Variants in TBC1D31 observed in about 807,000 individuals in gnomAD.
TBC1D31 encodes the protein TBC1 domain family member 31, also known as WD repeat domain 67.
TBC1D31 carries 99 observed loss-of-function variants against 132.9 expected under a neutral mutation model. The ratio of observed to expected loss-of-function variants is 0.74; its 90% CI spans 0.63 to 0.88. The LOEUF (loss-of-function observed/expected upper bound fraction) is 0.88, where lower values mean the gene tolerates loss of function less well. TBC1D31 is among the 40% of genes least tolerant of loss of function. The pLI, the probability that TBC1D31 is intolerant of heterozygous loss-of-function variation, is 0.00. For synonymous variants in TBC1D31, 385 were observed against 419.4 expected (o/e 0.92, Z 1.00); for missense variants, 1,134 against 1,256.6 (o/e 0.90, Z 1.48).
At chr8:123,084,382 C>T in intron 4 of TBC1D31, 42 bp downstream of exon 4, 2 of 1,579,996 alleles carry the variant, frequency 1.3e-6, no homozygotes, top group South Asian at 1.1e-5. Flanking sequence ...GCTTCTCGGG[C>T]TAATTTCTTG....
intron 2 of TBC1D31, among the ~76,000 whole-genome samples, chr8:123,077,865 G>A (rs745648026): frequency 1.3e-5 from 2 of 152,002 alleles, no homozygotes; most frequent in East Asian, 1.9e-4. Flanking sequence ...CTTGGCCAAC[G>A]TGGTGAAACA....
intron 2 of TBC1D31, 73 bp downstream of exon 2, chr8:123,077,330 T>C: frequency 1.8e-5 from 24 of 1,360,498 alleles, no homozygotes; most frequent in Non-Finnish European, 2.4e-5. Flanking sequence ...TACCTGCTAT[T>C]CATTATTCAT....
At chr8:123,120,394 G>A (rs1238802494) in intron 11 of TBC1D31, among the ~76,000 whole-genome samples, 1 of 152,224 alleles carries the variant, frequency 6.6e-6, no homozygotes, top group African/African-American at 2.4e-5. Flanking sequence ...TCTGGAGGCC[G>A]GGCACGGTGG....
chr8:123,161,972 C>A, the TBC1D31 span, among the ~76,000 whole-genome samples: 3 of 134,398 alleles, frequency 2.2e-5, no homozygotes, highest in Non-Finnish European at 4.6e-5. Flanking sequence ...GAGCCGAGAT[C>A]GTGCCACTGC....
At chr8:123,159,346 C>T in the TBC1D31 span, among the ~76,000 whole-genome samples, 1 of 151,100 alleles carries the variant, frequency 6.6e-6, no homozygotes, top group Non-Finnish European at 1.5e-5. Flanking sequence ...TGGTCACAGG[C>T]ATAATGGTCT....
At chr8:123,151,152 A>G (rs2130991635) in intron 21 of TBC1D31, among the ~76,000 whole-genome samples, 1 of 111,430 alleles carries the variant, frequency 9.0e-6, no homozygotes, top group East Asian at 2.0e-4. Flanking sequence ...ATTTGGCAGC[A>G]AAATACAAAA....
At chr8:123,093,149 A>AT (rs1418186567) in intron 4 of TBC1D31, among the ~76,000 whole-genome samples, 1 of 151,846 alleles carries the variant, frequency 6.6e-6, no homozygotes, top group Non-Finnish European at 1.5e-5. Flanking sequence ...GGGTTTCACC[A>AT]TGTTGGCCAG....
At chr8:123,158,434 G>C in the TBC1D31 span, among the ~76,000 whole-genome samples, 1 of 152,136 alleles carries the variant, frequency 6.6e-6, no homozygotes, top group Admixed American at 6.5e-5. Context: ...GGGGACCCCT[G>C]GGGAGAGTGT....
At chr8:123,156,220 C>T (rs1822982370), downstream of TBC1D31, among the ~76,000 whole-genome samples, 1 of 152,178 alleles carries the variant, frequency 6.6e-6, no homozygotes. Context: ...GTGGGCGGAT[C>T]ACCTGAGGTC....
intron 6 of TBC1D31, among the ~76,000 whole-genome samples, chr8:123,098,886 A>T (rs1397568747): frequency 6.6e-6 from 1 of 152,166 alleles, no homozygotes; most frequent in African/African-American, 2.4e-5. Flanking sequence ...TCAACTGCAG[A>T]TGAGGGGCTT....
At position 123,096,332 on chromosome 8, in the gene TBC1D31, A is replaced by G. The variant is rs1384732828; in HGVS notation, c.672-950A>G. On this transcript the variant is annotated intron_variant, in intron 5 of 21. Transcript: ENST00000287380. ...TATAGCAGTGTACTTTCATATGGCA[A>G]TGCACTTGAGTATGACCTCTTACTT... is the stretch of plus-strand genomic sequence containing the variant. 3.5e-4 allele frequency among the ~76,000 whole-genome samples: 53 copies of G among 152,130 alleles called. 1 individual carries two copies. The highest frequency in any genetic ancestry group is 3.4e-3 in the Admixed American group (52 of 15,256).
intron 15 of TBC1D31, 79 bp downstream of exon 15, chr8:123,129,297 T>C (rs1357764994): frequency 9.8e-7 from 1 of 1,024,510 alleles, no homozygotes; most frequent in Non-Finnish European, 1.4e-6. Context: ...TTTTTTCATT[T>C]TAGAAACAAC....
chr8:123,118,478 A>G (rs1819164356), intron 10 of TBC1D31, among the ~76,000 whole-genome samples: 1 of 152,226 alleles, frequency 6.6e-6, no homozygotes. Context: ...AGAGGTAATG[A>G]AGGCCTTTCT....
chr8:123,144,790 G>T lies in TBC1D31; in HGVS notation c.2909G>T (p.Arg970Ile). The T allele has an allele frequency of 1.2e-6, 2 of 1,613,918 alleles. No homozygotes were observed. The highest frequency in any genetic ancestry group is 1.7e-6 in the Non-Finnish European group (2 of 1,179,968). The change falls in exon 20 of 22, where the codon AGA becomes ATA. Residue 970 changes from arginine (R) to isoleucine (I), a missense_variant. Physicochemically the swap from Arg to Ile is moderately conservative, Grantham distance 97. Coordinates refer to ENST00000287380, the MANE Select transcript of TBC1D31 (RefSeq NM_145647.4). The stretch of plus-strand genomic sequence containing the variant: ...GCTTCTGCTCTTTCAGATGCGTCTA[G>T]AAAGTGGTTTTTAAAGCAAGAGATA... Reference protein sequence around the residue: ...KKASALSDASRKWFLKQEINA... With the variant: ...KKASALSDASIKWFLKQEINA...
intron 4 of TBC1D31, among the ~76,000 whole-genome samples, chr8:123,084,716 A>ACTAT (rs762769466): frequency 1.3e-5 from 2 of 152,182 alleles, no homozygotes; most frequent in Non-Finnish European, 2.9e-5. Context: ...ATGTTACTGT[A>ACTAT]CTATCCTTTA....
intron 10 of TBC1D31, among the ~76,000 whole-genome samples, chr8:123,112,882 G>C (rs1368157235): frequency 6.6e-6 from 1 of 152,204 alleles, no homozygotes; most frequent in African/African-American, 2.4e-5. Flanking sequence ...CTTCCTGTCT[G>C]TGTGTAAGAT....
intron 3 of TBC1D31, 138 bp from the exon 4 acceptor site, chr8:123,084,024 T>G: frequency 1.5e-6 from 1 of 686,668 alleles, no homozygotes; most frequent in Non-Finnish European, 2.5e-6. Context: ...CAAGCTTCCA[T>G]TTTTGTGGAT....
At chr8:123,111,634 A>T (rs1160485681) in intron 10 of TBC1D31, among the ~76,000 whole-genome samples, 5 of 152,086 alleles carry the variant, frequency 3.3e-5, no homozygotes, top group Admixed American at 1.3e-4. Flanking sequence ...AACAGCATTG[A>T]CATAATTCCT....
chr8:123,095,742 T>A (rs1210330453), intron 5 of TBC1D31, among the ~76,000 whole-genome samples: 1 of 152,210 alleles, frequency 6.6e-6, no homozygotes, highest in Non-Finnish European at 1.5e-5. Context: ...CAAGCTTATC[T>A]TGTACAATTC....
Sources: gnomAD v4.1 joint callset for allele counts (sites outside exome capture counted in the v4.1 genomes callset) on GRCh38, gnomAD v4.1.1 for gene constraint, MANE v1.5 for transcripts, NCBI Gene and HGNC (gene_info 2026-07-23, HGNC 2026-07-21) for gene names.